KCTD3: variants seen among roughly 807,000 people sequenced by gnomAD.
The protein encoded by KCTD3 is potassium channel tetramerization domain containing 3, also known as BTB/POZ domain-containing protein KCTD3.
KCTD3 carries 41 observed loss-of-function variants against 85.8 expected under a neutral mutation model. The observed-to-expected ratio is 0.48, with a 90% CI of 0.37 to 0.62. KCTD3 has a LOEUF of 0.62. Among genes scored for constraint, KCTD3 ranks in the 20% least tolerant of loss-of-function variants. KCTD3 has a pLI of 0.00. For synonymous variants in KCTD3, 338 were observed against 345.4 expected (o/e 0.98, Z 0.24); for missense variants, 724 against 989.9 (o/e 0.73, Z 3.60).
At chr1:215,591,276 C>CCTTCCTTCTTTCCT (rs1176439236) in intron 9 of KCTD3, among the ~76,000 whole-genome samples, 2 of 142,838 alleles carry the variant, frequency 1.4e-5, no homozygotes, top group African/African-American at 5.4e-5. Flanking sequence ...TTCTCTCTCT[C>CCTTCCTTCTTTCCT]TCCTTCCTTC....
chr1:215,617,627 A>T (rs986738089), intron 15 of KCTD3, among the ~76,000 whole-genome samples: 1 of 151,708 alleles, frequency 6.6e-6, no homozygotes, highest in Non-Finnish European at 1.5e-5. Context: ...TCAGAAGGGG[A>T]TAGCTGACCT....
At chr1:215,575,182 G>T (rs1659527746) in intron 3 of KCTD3, among the ~76,000 whole-genome samples, 1 of 152,140 alleles carries the variant, frequency 6.6e-6, no homozygotes, top group South Asian at 2.1e-4. Flanking sequence ...AACTTAGGAG[G>T]TGGAGGTTGC....
intron 10 of KCTD3, among the ~76,000 whole-genome samples, chr1:215,597,498 G>A (rs2797392): frequency 0.052 from 7,874 of 152,160 alleles, 549 homozygotes; most frequent in African/African-American, 0.16. Context: ...TTTGGAAGTT[G>A]GCTCTAGAAA....
At chr1:215,580,048 AT>A (rs1451172432) in intron 8 of KCTD3, 49 bp downstream of exon 8, 4 of 1,142,854 alleles carry the variant, frequency 3.5e-6, no homozygotes, top group Non-Finnish European at 5.2e-6. Context: ...CAGTTTGAAA[AT>A]TAATTGTGAT....
In KCTD3 at chr1:215,620,274, G is replaced by C; in HGVS notation, c.2104G>C (p.Gly702Arg). ...ACAAGCTGAAGTGAAAGGGGCAACAGGGGAATGTAATATATCTGAGAGAAA... is the reference window on the plus strand; with the variant it reads ...ACAAGCTGAAGTGAAAGGGGCAACACGGGAATGTAATATATCTGAGAGAAA... ...PIQAEVKGAT[G>R]ECNISERKSP... The change falls in exon 18 of 18, where the codon GGG becomes CGG. Residue 702 changes from glycine (G) to arginine (R), a missense_variant. Transcript: ENST00000259154. 1 of 1,613,900 alleles carries C rather than the reference G, an allele frequency of 6.2e-7. No individual in the cohort carries two copies.
Position 215,567,563 on chromosome 1 carries a change from C to A in KCTD3, c.-123C>A. 2 of 424,572 alleles carry A rather than the reference C, an allele frequency of 4.7e-6. No individual in the cohort carries two copies. The highest frequency in any genetic ancestry group is 1.2e-4 in the South Asian group (1 of 8,564). The allele number at this position is 424,572 out of a possible 1,614,324, so 26.3% of individuals were successfully genotyped here. On this transcript the variant is annotated 5_prime_UTR_variant, in exon 1 of 18. Coordinates refer to ENST00000259154, the MANE Select transcript of KCTD3 (RefSeq NM_016121.5). The stretch of plus-strand genomic sequence containing the variant: ...GGTGGGGGAAGCCCCGTGCACCCCC[C>A]GCCCTCCGGCCGCCGCCGCCCCGCT...
intron 3 of KCTD3, among the ~76,000 whole-genome samples, chr1:215,574,675 C>G (rs1035124301): frequency 1.3e-5 from 2 of 152,040 alleles, no homozygotes; most frequent in African/African-American, 4.8e-5. Context: ...GCAGATATGT[C>G]CATGTGAAAT....
intron 14 of KCTD3, among the ~76,000 whole-genome samples, chr1:215,609,175 A>G (rs1443441735): frequency 6.6e-6 from 1 of 152,018 alleles, no homozygotes; most frequent in Non-Finnish European, 1.5e-5. Context: ...TAGATACCCC[A>G]CTTAATGTTG....
chr1:215,580,934 T>A lies in KCTD3; in HGVS notation c.626+935T>A, dbSNP rs1273288083. On this transcript the variant is annotated intron_variant, in intron 8 of 17. Transcript: ENST00000259154. ...CAGTAATCTCAGGTTTATATTTTCC[T>A]TGTAGTAATGATTAAGTGCAGACTT... 6.4e-6 allele frequency: 3 copies of A among 466,316 alleles called. No homozygotes were observed. In the Admixed American group the frequency reaches 7.1e-5, roughly 11 times the overall value. The allele number at this position is 466,316 out of a possible 1,614,324, so 28.9% of individuals were successfully genotyped here. A position where few individuals can be genotyped will look rare whatever the true frequency, so the allele number is the denominator to read the frequency against.
intron 12 of KCTD3, 41 bp downstream of exon 12, chr1:215,602,242 C>A: frequency 1.0e-6 from 1 of 1,004,390 alleles, no homozygotes; most frequent in Non-Finnish European, 1.5e-6. Flanking sequence ...GACTTTTTAT[C>A]TTTTTATTCA....
intron 10 of KCTD3, among the ~76,000 whole-genome samples, chr1:215,601,596 A>G (rs1050589374): frequency 5.9e-5 from 9 of 152,148 alleles, no homozygotes; most frequent in African/African-American, 2.2e-4. Flanking sequence ...AGAGGAGACA[A>G]CCAATCGAAA....
At position 215,567,498 on chromosome 1, in the gene KCTD3, A is replaced by C; in HGVS notation, c.-188A>C. The C allele has an allele frequency of 7.7e-6, 2 of 259,912 alleles. No homozygotes were observed. Among genetic ancestry groups the C allele is most frequent in the Non-Finnish European group, 1.4e-5 (2 of 140,696 alleles). The allele number at this position is 259,912 out of a possible 1,614,324, so 16.1% of individuals were successfully genotyped here. On this transcript the variant is annotated 5_prime_UTR_variant, in exon 1 of 18. Transcript: ENST00000259154. ...TTGTGCACCGCAGGATTGACCCGGG[A>C]AGGGGCAGAAGCTAGCGAGCCCCGC...
chr1:215,613,094 T>A (rs114116559), intron 15 of KCTD3, among the ~76,000 whole-genome samples: 3,252 of 152,144 alleles, frequency 0.021, 106 homozygotes, highest in African/African-American at 0.073. Context: ...GGCACATGTG[T>A]AACAGACCTG....
At chr1:215,577,512 A>G (rs557459241) in intron 4 of KCTD3, among the ~76,000 whole-genome samples, 158 bp from the exon 5 acceptor site, 21 of 152,274 alleles carry the variant, frequency 1.4e-4, no homozygotes, top group Middle Eastern at 6.8e-3. Flanking sequence ...TACACTTTTT[A>G]ATGATTAAGG....
At chr1:215,608,931 G>A (rs1380804871) in intron 14 of KCTD3, among the ~76,000 whole-genome samples, 1 of 151,886 alleles carries the variant, frequency 6.6e-6, no homozygotes, top group Non-Finnish European at 1.5e-5. Context: ...AGTTTATATT[G>A]TTATTTATTC....
chr1:215,604,309 T>C lies in KCTD3; in HGVS notation c.1309+7T>C. 6.2e-7 allele frequency: 1 copy of C among 1,608,028 alleles called. No homozygotes were observed. The highest frequency in any genetic ancestry group is 1.1e-5 in the South Asian group (1 of 90,852). ...GAGAAGCATCTTGTATCAGGTAAAA[T>C]GATTTCATTATACTGGTAAGGAACT... is the stretch of plus-strand genomic sequence containing the variant. On this transcript the variant is annotated splice_region_variant and intron_variant, in intron 13 of 17. Transcript: ENST00000259154.
chr1:215,589,666 CTAGAATTTCATGAG>C (rs571520921), intron 9 of KCTD3, among the ~76,000 whole-genome samples: 117 of 152,254 alleles, frequency 7.7e-4, no homozygotes, highest in Non-Finnish European at 1.3e-3. Flanking sequence ...TTTCCTTTAT[CTAGAATTTCATGAG>C]TAGAATTATA....
At position 215,578,993 on chromosome 1, in the gene KCTD3, T is replaced by C. The variant is rs750315564; in HGVS notation, c.398-7T>C. 6.5e-7 allele frequency: 1 copy of C among 1,537,108 alleles called. No individual in the cohort carries two copies. The highest frequency in any genetic ancestry group is 2.4e-5 in the East Asian group (1 of 41,136). Reference sequence around the variant, plus strand: ...GGAATGTATTTGTTTTCTTCTTCTCTTTATAGGTATTCCTAGTCGTAAAAT... The same window carrying C: ...GGAATGTATTTGTTTTCTTCTTCTCCTTATAGGTATTCCTAGTCGTAAAAT... On this transcript the variant is annotated splice_polypyrimidine_tract_variant and splice_region_variant and intron_variant, in intron 6 of 17. Coordinates refer to ENST00000259154, the MANE Select transcript of KCTD3 (RefSeq NM_016121.5).
In KCTD3 at chr1:215,586,622, G is replaced by A; in HGVS notation, c.754G>A (p.Val252Ile). The change falls in exon 9 of 18, where the codon GTT becomes ATT. Residue 252 changes from valine to isoleucine, a missense_variant. Val to Ile is a conservative substitution (Grantham distance 29). Transcript: ENST00000259154. ...PHGDKDKMVA[V>I]ASESSIILWS... ...TGGAGACAAAGACAAAATGGTTGCT[G>A]TTGCCTCAGAGAGTAGCATCATCTT... 1 of 1,614,148 alleles carries A rather than the reference G, an allele frequency of 6.2e-7. No homozygotes were observed. The highest frequency in any genetic ancestry group is 8.5e-7 in the Non-Finnish European group (1 of 1,180,012).
Sources: gnomAD v4.1 joint callset for allele counts (sites outside exome capture counted in the v4.1 genomes callset) on GRCh38, gnomAD v4.1.1 for gene constraint, MANE v1.5 for transcripts, NCBI Gene and HGNC (gene_info 2026-07-23, HGNC 2026-07-21) for gene names.